CRPPA: variants seen among roughly 807,000 people sequenced by gnomAD.
CRPPA encodes the protein CDP-L-ribitol pyrophosphorylase A, also known as D-ribitol-5-phosphate cytidylyltransferase.
In CRPPA, 43 loss-of-function variants were observed where a neutral mutation model predicts 52.0. The observed-to-expected ratio is 0.83, with a 90% confidence interval of 0.65 to 1.07. The LOEUF (loss-of-function observed/expected upper bound fraction) is 1.07. Among genes scored for constraint, CRPPA ranks in the 50% least tolerant of loss-of-function variants. The pLI is 0.00. For missense variants in CRPPA, 629 were observed against 551.7 expected, an observed-to-expected ratio of 1.14 and a Z score of -1.40; for synonymous variants, 250 against 203.5, an observed-to-expected ratio of 1.23 and a Z score of -1.94.
chr7:16,117,434 C>T (rs1782397898), intron 9 of CRPPA, among the ~76,000 whole-genome samples: 2 of 152,178 alleles, frequency 1.3e-5, no homozygotes, highest in South Asian at 4.1e-4. Context: ...GTTACAGAGG[C>T]TGAGTGAGGC....
At chr7:16,359,923 C>T (rs1180173437) in intron 3 of CRPPA, among the ~76,000 whole-genome samples, 2 of 152,168 alleles carry the variant, frequency 1.3e-5, no homozygotes, top group Non-Finnish European at 2.9e-5. Context: ...ACACCATGAA[C>T]TCAGGACAAG....
chr7:16,254,421 A>G (rs910005584), intron 8 of CRPPA, among the ~76,000 whole-genome samples: 9 of 152,106 alleles, frequency 5.9e-5, no homozygotes, highest in Non-Finnish European at 1.3e-4. Flanking sequence ...AAAAATGATG[A>G]GTTCATGTCC....
intron 3 of CRPPA, among the ~76,000 whole-genome samples, chr7:16,353,824 T>G (rs1786222481): frequency 6.6e-6 from 1 of 151,298 alleles, no homozygotes. Context: ...CACTCCAGCC[T>G]GGATGACAAA....
At chr7:16,242,103 C>T (rs905278482) in intron 8 of CRPPA, among the ~76,000 whole-genome samples, 7 of 151,326 alleles carry the variant, frequency 4.6e-5, no homozygotes, top group South Asian at 2.1e-4. Flanking sequence ...TACAGGCACC[C>T]GCCACCACAC....
intron 3 of CRPPA, among the ~76,000 whole-genome samples, chr7:16,345,168 A>C (rs1224772820): frequency 6.6e-6 from 1 of 152,178 alleles, no homozygotes; most frequent in Non-Finnish European, 1.5e-5. Flanking sequence ...TCTCATCAGA[A>C]GTCATGGAGG....
intron 4 of CRPPA, among the ~76,000 whole-genome samples, chr7:16,302,008 G>A (rs1784797650): frequency 6.6e-6 from 1 of 152,158 alleles, no homozygotes; most frequent in Admixed American, 6.5e-5. Context: ...GTACCACTAT[G>A]TGTCTAAGAA....
chr7:16,319,724 T>C (rs1390934669), intron 3 of CRPPA, among the ~76,000 whole-genome samples: 2 of 152,174 alleles, frequency 1.3e-5, no homozygotes, highest in Non-Finnish European at 2.9e-5. Flanking sequence ...TATTCGGCAG[T>C]CAGTAGGCAT....
intron 3 of CRPPA, among the ~76,000 whole-genome samples, chr7:16,371,908 T>C (rs1377332562): frequency 1.3e-5 from 2 of 151,648 alleles, no homozygotes; most frequent in Admixed American, 1.3e-4. Flanking sequence ...CCTAGGGAAA[T>C]ACAAAATGCA....
chr7:16,144,357 G>C (rs1782930604), intron 9 of CRPPA, among the ~76,000 whole-genome samples: 1 of 152,158 alleles, frequency 6.6e-6, no homozygotes, highest in Admixed American at 6.5e-5. Flanking sequence ...TCAGTCCAAG[G>C]CAGTCCTACC....
chr7:16,378,605 T>C (rs915823161), intron 2 of CRPPA, among the ~76,000 whole-genome samples: 11 of 152,062 alleles, frequency 7.2e-5, no homozygotes, highest in African/African-American at 2.4e-4. Flanking sequence ...GCATGATTTA[T>C]AGTCCTTTGG....
In CRPPA at chr7:16,218,636, G is replaced by A. The variant is rs548045972; in HGVS notation, c.1120-2439C>T. 4.7e-3 allele frequency among the ~76,000 whole-genome samples: 344 copies of A among 72,822 alleles called. 5 individuals are homozygous for A. Among genetic ancestry groups the A allele is most frequent in the African/African-American group, 0.019 (326 of 17,334 alleles). 47.8% of individuals were successfully genotyped at this position (72,822 alleles called of 152,430 possible). A position where few individuals can be genotyped will look rare whatever the true frequency, so the allele number is the denominator to read the frequency against. On this transcript the variant is annotated intron_variant, in intron 8 of 9. Coordinates refer to ENST00000407010, the MANE Select transcript of CRPPA (RefSeq NM_001101426.4). ...TGGAAAACAAAAAAAGGCAGGGGTT[G>A]CAATCCTAGTCTCTGATAAAACAGA... is the stretch of plus-strand genomic sequence containing the variant.
At chr7:16,408,924 C>T (rs1788018143) in intron 1 of CRPPA, among the ~76,000 whole-genome samples, 1 of 152,116 alleles carries the variant, frequency 6.6e-6, no homozygotes, top group Non-Finnish European at 1.5e-5. Flanking sequence ...TTTTTTGAGA[C>T]AGAGTCTCAC....
chr7:16,140,365 A>C (rs576567172), intron 9 of CRPPA, among the ~76,000 whole-genome samples: 1 of 151,316 alleles, frequency 6.6e-6, no homozygotes, highest in Non-Finnish European at 1.5e-5. Flanking sequence ...GGGTTTCACC[A>C]TGTTGCCCAG....
chr7:16,096,706 C>A (rs764132291), intron 9 of CRPPA, among the ~76,000 whole-genome samples: 38 of 152,104 alleles, frequency 2.5e-4, no homozygotes, highest in Non-Finnish European at 4.9e-4. Flanking sequence ...CTCATCCTCC[C>A]AAAGTACCAG....
chr7:16,152,997 CCTAA>C (rs1468974371), intron 9 of CRPPA, among the ~76,000 whole-genome samples: 16 of 151,928 alleles, frequency 1.1e-4, no homozygotes, highest in Non-Finnish European at 1.8e-4. Context: ...TTATGATTAG[CCTAA>C]CTGTGATATC....
chr7:16,331,749 G>A (rs1583525745), intron 3 of CRPPA, among the ~76,000 whole-genome samples: 1 of 152,150 alleles, frequency 6.6e-6, no homozygotes. Flanking sequence ...GAAAATGGCT[G>A]AGGAAGAATC....
At chr7:16,418,618 A>T (rs1033156052) in intron 1 of CRPPA, among the ~76,000 whole-genome samples, 2 of 152,192 alleles carry the variant, frequency 1.3e-5, no homozygotes, top group East Asian at 3.9e-4. Context: ...CACAGGAGGA[A>T]CTACGAAACA....
chr7:16,318,074 T>A (rs75033395), intron 3 of CRPPA, among the ~76,000 whole-genome samples: 4,241 of 152,240 alleles, frequency 0.028, 223 homozygotes, highest in African/African-American at 0.097. Flanking sequence ...GGAAGCTCCA[T>A]CCGTCATCTC....
intron 1 of CRPPA, among the ~76,000 whole-genome samples, chr7:16,413,667 C>T (rs1788122154): frequency 6.6e-6 from 1 of 152,088 alleles, no homozygotes; most frequent in Non-Finnish European, 1.5e-5. Context: ...CTGTGGTTTT[C>T]CAAAATCTAG....
Sources: allele counts gnomAD v4.1 joint callset (sites outside exome capture counted in the v4.1 genomes callset), GRCh38; gene constraint gnomAD v4.1.1; transcripts MANE v1.5; gene names NCBI Gene and HGNC (gene_info 2026-07-23, HGNC 2026-07-21).